Variants in PEX1 observed in about 807,000 individuals in gnomAD.
PEX1 encodes the protein peroxisomal biogenesis factor 1.
A neutral mutation model predicts 152.5 loss-of-function variants in PEX1; 97 were observed. The ratio of observed to expected loss-of-function variants is 0.64; its 90% CI spans 0.54 to 0.75. The LOEUF is 0.75. PEX1 is among the 30% of genes least tolerant of loss of function. The pLI is 0.00. For missense variants in PEX1, 1,357 were observed against 1,516.3 expected (o/e 0.89, Z 1.74); for synonymous variants, 485 against 531.6 (o/e 0.91, Z 1.21).
chr7:92,508,814 T>G (rs996348237), intron 9 of PEX1, among the ~76,000 whole-genome samples: 4 of 152,128 alleles, frequency 2.6e-5, no homozygotes, highest in South Asian at 2.1e-4. Flanking sequence ...GAGGAATTTT[T>G]TAAATATTTG....
chr7:92,491,329 C>G lies in PEX1; in HGVS notation c.3381G>C (p.Arg1127=). 6.2e-7 allele frequency: 1 copy of G among 1,613,958 alleles called. No homozygotes were observed. Among genetic ancestry groups the G allele is most frequent in the Non-Finnish European group, 8.5e-7 (1 of 1,179,902 alleles). Residue 1127 remains arginine, a synonymous_variant, in exon 21 of 24, where the codon CGG becomes CGC. Transcript: ENST00000248633. ...LPDESKFNMY[R]LYFGSSYESE... ...ATTCATAAGAGCTTCCAAAGTAGAG[C>G]CGGTACATATTGAATTTTGATTCAT...
chr7:92,499,586 TG>T, intron 16 of PEX1, 117 bp downstream of exon 16: 1 of 813,576 alleles, frequency 1.2e-6, no homozygotes, highest in Non-Finnish European at 2.1e-6. Context: ...TAGAGAGAGG[TG>T]GTGGTTGCAT....
At chr7:92,496,674 CAG>C (rs1466717592) in intron 17 of PEX1, 37 bp downstream of exon 17, 5 of 1,284,444 alleles carry the variant, frequency 3.9e-6, no homozygotes, top group African/African-American at 1.5e-5. Flanking sequence ...TAAATAATAA[CAG>C]AGTCAGTTAC....
intron 13 of PEX1, among the ~76,000 whole-genome samples, chr7:92,502,328 G>T (rs1791970640): frequency 6.6e-6 from 1 of 152,052 alleles, no homozygotes; most frequent in African/African-American, 2.4e-5. Context: ...TGATCAAATT[G>T]TACACTTTAT....
chr7:92,487,415 C>A lies in PEX1; in HGVS notation c.*42G>T. ...TTCCTGTTACAACATATGGAAAAGCCATCAAAAAACTTAACAGAACCAAAT... is the reference window on the plus strand; with the variant it reads ...TTCCTGTTACAACATATGGAAAAGCAATCAAAAAACTTAACAGAACCAAAT... On this transcript the variant is annotated 3_prime_UTR_variant, in exon 24 of 24. Transcript: ENST00000248633. The A allele has an allele frequency of 3.0e-6, 3 of 1,009,734 alleles. No individual in the cohort carries two copies. Among genetic ancestry groups the A allele is most frequent in the South Asian group, 2.8e-5 (2 of 70,610 alleles). The allele number at this position is 1,009,734 out of a possible 1,614,324, so 62.5% of individuals were successfully genotyped here.
intron 10 of PEX1, chr7:92,506,626 T>C: frequency 3.9e-6 from 2 of 506,590 alleles, no homozygotes; most frequent in South Asian, 2.1e-5. Context: ...AACTCAGCAA[T>C]GTAGAAAGAA....
chr7:92,511,517 G>T, intron 7 of PEX1, 63 bp downstream of exon 7: 1 of 1,312,356 alleles, frequency 7.6e-7, no homozygotes, highest in Non-Finnish European at 1.1e-6. Context: ...CAGGTTGCAA[G>T]AACAATTAAA....
intron 9 of PEX1, chr7:92,507,417 G>C: frequency 3.0e-6 from 1 of 328,994 alleles, no homozygotes; most frequent in South Asian, 3.0e-5. Flanking sequence ...TGGGTTTTTT[G>C]TGTGTGCATT....
At chr7:92,510,801 A>G (rs1792425709) in intron 8 of PEX1, 143 bp downstream of exon 8, 2 of 561,000 alleles carry the variant, frequency 3.6e-6, no homozygotes, top group Admixed American at 3.3e-5. Context: ...ACAGAATAAA[A>G]TATTTTAAAT....
Position 92,518,213 on chromosome 7 carries a change from T to A in PEX1, c.400A>T (p.Ile134Phe). 6.2e-7 allele frequency: 1 copy of A among 1,613,710 alleles called. No homozygotes were observed. The highest frequency in any genetic ancestry group is 8.5e-7 in the Non-Finnish European group (1 of 1,179,626). ...ATGGCTTTTGGAAAAACTATTCGAA[T>A]TTGATCTAGAAGATGTTGTTCAAGG... is the stretch of plus-strand genomic sequence containing the variant. ...VSLEQHLLDQ[I>F]RIVFPKAIFP... Residue 134 changes from isoleucine (I) to phenylalanine (F), a missense_variant, in exon 4 of 24, where the codon ATT becomes TTT. Physicochemically the swap from Ile to Phe is conservative, Grantham distance 21. Transcript: ENST00000248633.
At chr7:92,494,449 T>C (rs1484220149) in intron 18 of PEX1, 38 bp downstream of exon 18, 2 of 1,612,266 alleles carry the variant, frequency 1.2e-6, no homozygotes, top group South Asian at 1.1e-5. Context: ...TGATGACATT[T>C]TGTTATAACA....
At chr7:92,522,733 T>C (rs1308112003) in intron 1 of PEX1, among the ~76,000 whole-genome samples, 1 of 152,158 alleles carries the variant, frequency 6.6e-6, no homozygotes, top group Non-Finnish European at 1.5e-5. Flanking sequence ...TAGAAACACA[T>C]ATCATCTTTA....
At position 92,507,270 on chromosome 7, in the gene PEX1, G is replaced by A. The variant is rs574716938; in HGVS notation, c.1671-144C>T. 46 of 677,274 alleles carry A rather than the reference G, an allele frequency of 6.8e-5. No homozygotes were observed. In the African/African-American group the frequency reaches 8.2e-4, roughly 12 times the overall value. The allele number at this position is 677,274 out of a possible 1,614,324, so 42.0% of individuals were successfully genotyped here. ...CTTTTTTTTTTTGAGAAAGGGGCTT[G>A]CTGTGTCATCCAGGCTGGAGCGCAG... On this transcript the variant is annotated intron_variant, in intron 9 of 23. Transcript: ENST00000248633.
chr7:92,507,510 C>A (rs1792259116), intron 9 of PEX1: 3 of 223,280 alleles, frequency 1.3e-5, no homozygotes, highest in Non-Finnish European at 2.7e-5. Flanking sequence ...CTCGGCCCCA[C>A]AAAGTGCTGG....
chr7:92,494,089 A>G (rs1175422136), intron 19 of PEX1: 1 of 551,614 alleles, frequency 1.8e-6, no homozygotes, highest in South Asian at 2.1e-5. Context: ...GAAGGATTAC[A>G]AAGTTTTCAG....
At position 92,523,737 on chromosome 7, in the gene PEX1, G is replaced by A. The variant is rs12672232; in HGVS notation, c.130-1492C>T. ...TCCCATCTACTCAGGAAGCCGAGGT[G>A]GGAGGATCACTTGAGTCAGGGAGGT... On this transcript the variant is annotated intron_variant, in intron 1 of 23. Transcript: ENST00000248633. Among the ~76,000 whole-genome samples, 2,419 of 152,226 alleles carry A rather than the reference G, an allele frequency of 0.016. 210 individuals carry two copies. The East Asian group carries it at 0.28, about 18-fold the overall frequency.
chr7:92,515,084 T>TCC (rs1435290471), intron 5 of PEX1, among the ~76,000 whole-genome samples: 101 of 1,492 alleles, frequency 0.068, 2 homozygotes, highest in African/African-American at 0.29. Flanking sequence ...TATATATATA[T>TCC]ATATATATAT....
At chr7:92,505,978 T>C (rs1792168934) in intron 11 of PEX1, among the ~76,000 whole-genome samples, 1 of 152,102 alleles carries the variant, frequency 6.6e-6, no homozygotes, top group African/African-American at 2.4e-5. Context: ...TAAGTACTAA[T>C]TTTTCAGAGT....
intron 20 of PEX1, chr7:92,491,718 C>G: frequency 2.0e-6 from 1 of 506,676 alleles, no homozygotes; most frequent in East Asian, 3.6e-5. Flanking sequence ...AATTTACCAA[C>G]CATCCCCCAA....
Sources: allele counts gnomAD v4.1 joint callset (sites outside exome capture counted in the v4.1 genomes callset), GRCh38; gene constraint gnomAD v4.1.1; transcripts MANE v1.5; gene names NCBI Gene and HGNC (gene_info 2026-07-23, HGNC 2026-07-21).